Variants in MACROD2 observed in about 807,000 individuals in gnomAD.
MACROD2 encodes the protein mono-ADP ribosylhydrolase 2, also known as ADP-ribose glycohydrolase MACROD2.
MACROD2 carries 36 observed loss-of-function variants against 70.4 expected under a neutral mutation model. The ratio of observed to expected loss-of-function variants is 0.51; its 90% CI spans 0.39 to 0.68. The LOEUF is 0.68. Ranked by LOEUF, MACROD2 falls within the 30% of genes least tolerant of loss-of-function variation. The pLI is 0.00. For missense variants in MACROD2, 496 were observed against 538.4 expected (o/e 0.92, Z 0.78); for synonymous variants, 172 against 178.8 (o/e 0.96, Z 0.30).
At chr20:15,926,574 G>GGA (rs2065492616) in intron 10 of MACROD2, among the ~76,000 whole-genome samples, 1 of 152,190 alleles carries the variant, frequency 6.6e-6, no homozygotes, top group Non-Finnish European at 1.5e-5. Flanking sequence ...TAAGAAGGAT[G>GGA]GAGTGTGTGA....
chr20:14,895,848 G>A (rs950760464), intron 5 of MACROD2, among the ~76,000 whole-genome samples: 5 of 152,076 alleles, frequency 3.3e-5, no homozygotes, highest in Non-Finnish European at 7.4e-5. Context: ...GAAAATTTAG[G>A]ATAATAACCT....
Position 15,831,573 on chromosome 20 carries a change from T to C in MACROD2, c.646-31172T>C, listed in dbSNP as rs199964142. 2.0e-5 allele frequency among the ~76,000 whole-genome samples: 3 copies of C among 152,178 alleles called. No individual in the cohort carries two copies. In the East Asian group the frequency reaches 5.8e-4, roughly 29 times the overall value. ...CATTTTGTGCCTATTCCTTTCATGG[T>C]CCATCCTCCTGACTGCTTCAGCCCC... On this transcript the variant is annotated intron_variant, in intron 8 of 17. Coordinates refer to ENST00000684519, the MANE Select transcript of MACROD2 (RefSeq NM_001351661.2).
intron 5 of MACROD2, among the ~76,000 whole-genome samples, chr20:15,011,273 G>T (rs1018582919): frequency 2.6e-4 from 40 of 152,078 alleles, no homozygotes; most frequent in African/African-American, 8.9e-4. Context: ...TTTCCTCTGT[G>T]GTGGGAGGAA....
chr20:15,235,427 C>A (rs2077005211), intron 6 of MACROD2, among the ~76,000 whole-genome samples: 1 of 152,144 alleles, frequency 6.6e-6, no homozygotes, highest in Non-Finnish European at 1.5e-5. Flanking sequence ...CAATAGGGAT[C>A]CCTCAGAGCT....
At chr20:14,349,814 CTTTTTTT>C (rs538685508) in intron 3 of MACROD2, among the ~76,000 whole-genome samples, 15 of 132,242 alleles carry the variant, frequency 1.1e-4, no homozygotes, top group African/African-American at 3.9e-4. Flanking sequence ...TTCTTTTTTT[CTTTTTTT>C]TTTTTTTTTG....
chr20:15,996,989 C>A (rs557166149), intron 15 of MACROD2, among the ~76,000 whole-genome samples: 63 of 152,226 alleles, frequency 4.1e-4, no homozygotes, highest in Non-Finnish European at 1.3e-4. Context: ...TCTTGACATC[C>A]TTGTCAAGTA....
intron 5 of MACROD2, among the ~76,000 whole-genome samples, chr20:15,150,012 TC>T (rs768141277): frequency 2.0e-5 from 3 of 151,454 alleles, no homozygotes; most frequent in Non-Finnish European, 4.4e-5. Flanking sequence ...GGCAAAAGTA[TC>T]CAACCATGCC....
chr20:14,424,917 G>A (rs747346057), intron 3 of MACROD2, among the ~76,000 whole-genome samples: 3 of 152,136 alleles, frequency 2.0e-5, no homozygotes, highest in Admixed American at 6.6e-5. Flanking sequence ...AGTAAAGAGC[G>A]TATTTAAAAT....
chr20:15,067,737 G>T (rs2075588664), intron 5 of MACROD2, among the ~76,000 whole-genome samples: 1 of 152,098 alleles, frequency 6.6e-6, no homozygotes, highest in Middle Eastern at 3.2e-3. Flanking sequence ...TAGATATATT[G>T]ATTTATCAAT....
At chr20:15,492,396 CGT>C (rs1009501395) in intron 7 of MACROD2, among the ~76,000 whole-genome samples, 3 of 152,006 alleles carry the variant, frequency 2.0e-5, no homozygotes, top group Non-Finnish European at 4.4e-5. Context: ...GTAGGGTGTG[CGT>C]GTGTGTGTGT....
At chr20:15,578,791 C>T (rs1204277637) in intron 8 of MACROD2, among the ~76,000 whole-genome samples, 1 of 152,090 alleles carries the variant, frequency 6.6e-6, no homozygotes, top group Non-Finnish European at 1.5e-5. Context: ...TATGCATCTT[C>T]AGGTACTTTA....
intron 5 of MACROD2, among the ~76,000 whole-genome samples, chr20:15,004,596 C>T (rs2075021524): frequency 6.6e-6 from 1 of 152,132 alleles, no homozygotes; most frequent in Admixed American, 6.5e-5. Flanking sequence ...GACATTCTTA[C>T]TTTAGCTACA....
Position 15,981,846 on chromosome 20 carries a change from G to A in MACROD2, c.986-4881G>A, listed in dbSNP as rs373968078. On this transcript the variant is annotated intron_variant, in intron 13 of 17. Transcript: ENST00000684519. ...TTCTAAAGGGTTACAGTTCTCACTC[G>A]TGCAGGAGGGGCTGACTTTTCTTTT... 4.7e-4 allele frequency among the ~76,000 whole-genome samples: 71 copies of A among 152,186 alleles called. 1 individual carries two copies. The highest frequency in any genetic ancestry group is 6.8e-3 in the Middle Eastern group (2 of 294).
chr20:14,981,337 A>T (rs958857815), intron 5 of MACROD2, among the ~76,000 whole-genome samples: 5 of 151,748 alleles, frequency 3.3e-5, no homozygotes, highest in Non-Finnish European at 7.4e-5. Flanking sequence ...TCACCTGGGT[A>T]AGTTTCACTT....
chr20:15,231,852 T>C (rs1160398263), intron 6 of MACROD2, among the ~76,000 whole-genome samples: 1 of 152,020 alleles, frequency 6.6e-6, no homozygotes, highest in Non-Finnish European at 1.5e-5. Flanking sequence ...GAAGGGCCAA[T>C]TACATATTAC....
intron 2 of MACROD2, among the ~76,000 whole-genome samples, chr20:14,016,410 T>A (rs933368498): frequency 2.6e-5 from 4 of 152,148 alleles, no homozygotes; most frequent in African/African-American, 9.7e-5. Flanking sequence ...AGTTTTTAAT[T>A]TTGATGAAGT....
chr20:14,450,603 T>C (rs1278801609), intron 3 of MACROD2, among the ~76,000 whole-genome samples: 2 of 152,102 alleles, frequency 1.3e-5, no homozygotes, highest in African/African-American at 4.8e-5. Flanking sequence ...TTTGCTTTGG[T>C]TTCATAATTA....
At position 15,460,025 on chromosome 20, in the gene MACROD2, G is replaced by A. The variant is rs536033470; in HGVS notation, c.571+28590G>A. 3.9e-5 allele frequency among the ~76,000 whole-genome samples: 6 copies of A among 152,240 alleles called. No individual in the cohort carries two copies. The South Asian group carries it at 1.2e-3, about 32-fold the overall frequency. On this transcript the variant is annotated intron_variant, in intron 7 of 17. Coordinates refer to ENST00000684519, the MANE Select transcript of MACROD2 (RefSeq NM_001351661.2). ...TTGATTCTACACTTCTAGCTACAGA[G>A]ATTGTTTCAGAGATGGGCACATTGA... is the stretch of plus-strand genomic sequence containing the variant.
intron 5 of MACROD2, among the ~76,000 whole-genome samples, chr20:15,038,840 G>A (rs2075333760): frequency 6.6e-6 from 1 of 152,218 alleles, no homozygotes; most frequent in East Asian, 1.9e-4. Context: ...GTAAAGGCAA[G>A]GAAACATGAT....
Sources: gnomAD v4.1 joint callset for allele counts (sites outside exome capture counted in the v4.1 genomes callset) on GRCh38, gnomAD v4.1.1 for gene constraint, MANE v1.5 for transcripts, NCBI Gene and HGNC (gene_info 2026-07-23, HGNC 2026-07-21) for gene names.